Variants in CDH18 observed in about 807,000 individuals in gnomAD.
CDH18 encodes the protein cadherin-18.
CDH18 carries 31 observed loss-of-function variants against 67.9 expected under a neutral mutation model. The ratio of observed to expected loss-of-function variants is 0.46; its 90% CI spans 0.34 to 0.62. The LOEUF is 0.62. Ranked by LOEUF, CDH18 falls within the 20% of genes least tolerant of loss-of-function variation. The pLI is 0.01. For missense variants in CDH18, 890 were observed against 975.5 expected (o/e 0.91, Z 1.17); for synonymous variants, 362 against 347.2 (o/e 1.04, Z -0.48).
intron 3 of CDH18, among the ~76,000 whole-genome samples, chr5:19,833,510 A>C (rs1008131195): frequency 6.6e-6 from 1 of 152,058 alleles, no homozygotes; most frequent in Non-Finnish European, 1.5e-5. Context: ...AATACCTTTT[A>C]TTTCTTTCTC....
At chr5:19,490,394 GTTTTTTTTTTT>G (rs70950073) in intron 11 of CDH18, among the ~76,000 whole-genome samples, 43 of 60,202 alleles carry the variant, frequency 7.1e-4, no homozygotes, top group African/African-American at 2.5e-3. Context: ...ATAAAAATCT[GTTTTTTTTTTT>G]TTTTTTTTTT....
At chr5:20,466,177 A>T (rs1751619326) in intron 1 of CDH18, among the ~76,000 whole-genome samples, 3 of 152,092 alleles carry the variant, frequency 2.0e-5, no homozygotes. Context: ...AGAAATCTAT[A>T]AACATTTAAA....
At chr5:19,706,968 G>A (rs183019913) in intron 5 of CDH18, among the ~76,000 whole-genome samples, 517 of 152,300 alleles carry the variant, frequency 3.4e-3, no homozygotes, top group South Asian at 6.0e-3. Context: ...GAAACCAGCT[G>A]TAAAGACAGA....
intron 2 of CDH18, among the ~76,000 whole-genome samples, chr5:20,190,447 C>G (rs968616031): frequency 1.3e-5 from 2 of 152,204 alleles, no homozygotes; most frequent in East Asian, 3.9e-4. Flanking sequence ...ATACTCTTAA[C>G]AGTGCAACAG....
At chr5:20,369,454 G>T (rs931348489) in intron 1 of CDH18, among the ~76,000 whole-genome samples, 4 of 152,224 alleles carry the variant, frequency 2.6e-5, no homozygotes, top group African/African-American at 4.8e-5. Flanking sequence ...GTAAATTTTT[G>T]CCCTTTTCTC....
chr5:20,369,414 C>A (rs1463962268), intron 1 of CDH18, among the ~76,000 whole-genome samples: 1 of 152,212 alleles, frequency 6.6e-6, no homozygotes, highest in African/African-American at 2.4e-5. Context: ...AGGAAAAGGA[C>A]AATTCACTTG....
chr5:19,637,150 CTTTT>C (rs1236682787), intron 5 of CDH18, among the ~76,000 whole-genome samples: 3 of 148,290 alleles, frequency 2.0e-5, no homozygotes, highest in Non-Finnish European at 4.4e-5. Flanking sequence ...TTCTTTCTTT[CTTTT>C]TCTTTCTTTC....
intron 2 of CDH18, among the ~76,000 whole-genome samples, chr5:19,941,633 A>T (rs1794829420): frequency 6.6e-6 from 1 of 151,966 alleles, no homozygotes; most frequent in Admixed American, 6.6e-5. Flanking sequence ...AAAGAAAAAA[A>T]AGAGTTAACT....
chr5:19,719,954 AAAGAAGG>A (rs1435041213), intron 5 of CDH18, among the ~76,000 whole-genome samples: 1 of 151,696 alleles, frequency 6.6e-6, no homozygotes, highest in African/African-American at 2.4e-5. Flanking sequence ...AGAAAGAAAG[AAAGAAGG>A]AAAGAGTTAA....
At chr5:19,816,861 G>C (rs1779343576) in intron 3 of CDH18, among the ~76,000 whole-genome samples, 1 of 151,694 alleles carries the variant, frequency 6.6e-6, no homozygotes, top group Non-Finnish European at 1.5e-5. Flanking sequence ...TATAATTTCA[G>C]TCAAAAGAGT....
chr5:20,343,783 G>A (rs1740468224), intron 1 of CDH18, among the ~76,000 whole-genome samples: 1 of 152,146 alleles, frequency 6.6e-6, no homozygotes, highest in Admixed American at 6.5e-5. Context: ...TGGAAAGAGA[G>A]ACACTTCCTT....
In CDH18 at chr5:19,638,648, T is replaced by C. The variant is rs1427159971; in HGVS notation, c.644-26047A>G. ...GTGGAACAGTAGGAGGTTCCTGCCTTCCCCCCCCGCGCCCCACATAAAAAA... is the reference window on the plus strand; with the variant it reads ...GTGGAACAGTAGGAGGTTCCTGCCTCCCCCCCCCGCGCCCCACATAAAAAA... On this transcript the variant is annotated intron_variant, in intron 5 of 12. Coordinates refer to ENST00000382275, the MANE Select transcript of CDH18 (RefSeq NM_004934.5). Among the ~76,000 whole-genome samples the C allele has an allele frequency of 2.7e-5, 4 of 149,724 alleles. No individual in the cohort carries two copies. In the Admixed American group the frequency reaches 2.7e-4, roughly 10 times the overall value.
At chr5:20,028,691 G>A (rs1739128779) in intron 2 of CDH18, among the ~76,000 whole-genome samples, 1 of 152,150 alleles carries the variant, frequency 6.6e-6, no homozygotes, top group Admixed American at 6.6e-5. Context: ...ATACAGCGTG[G>A]ATAAGCTGGC....
chr5:20,314,476 T>G (rs550157280), intron 1 of CDH18, among the ~76,000 whole-genome samples: 3 of 152,178 alleles, frequency 2.0e-5, no homozygotes, highest in Admixed American at 6.5e-5. Flanking sequence ...ATTTAAAAAA[T>G]TTCAATTCAG....
intron 2 of CDH18, among the ~76,000 whole-genome samples, chr5:20,184,185 T>C (rs182739085): frequency 7.3e-4 from 111 of 152,196 alleles, no homozygotes; most frequent in Non-Finnish European, 1.3e-3. Flanking sequence ...ATTTCCCTAA[T>C]TATAGATGAG....
In CDH18 at chr5:19,940,593, C is replaced by G. The variant is rs143064099; in HGVS notation, c.-257+40467G>C. On this transcript the variant is annotated intron_variant, in intron 2 of 12. Coordinates refer to ENST00000382275, the MANE Select transcript of CDH18 (RefSeq NM_004934.5). ...CACACAATTTTTTTTCAGTACCTAC[C>G]ACTGACCAAGAAGACCTTTGTTGAA... Among the ~76,000 whole-genome samples, 387 of 152,076 alleles carry G rather than the reference C, an allele frequency of 2.5e-3. 1 individual carries two copies. The highest frequency in any genetic ancestry group is 3.1e-3 in the Non-Finnish European group (214 of 67,974).
chr5:19,898,299 G>T (rs902130261), intron 2 of CDH18, among the ~76,000 whole-genome samples: 28 of 151,696 alleles, frequency 1.8e-4, no homozygotes, highest in Admixed American at 1.8e-3. Context: ...TACAAAATTG[G>T]TGGTCACATG....
intron 11 of CDH18, among the ~76,000 whole-genome samples, chr5:19,490,644 A>G (rs576525066): frequency 1.8e-4 from 28 of 151,896 alleles, no homozygotes; most frequent in African/African-American, 6.8e-4. Context: ...CAATCTCTGG[A>G]CCTCATGATC....
In CDH18 at chr5:19,483,481, T is replaced by G. The variant is rs1183655596; in HGVS notation, c.1702A>C (p.Ile568Leu). The G allele has an allele frequency of 6.2e-7, 1 of 1,614,154 alleles. No homozygotes were observed. Among genetic ancestry groups the G allele is most frequent in the East Asian group, 2.2e-5 (1 of 44,866 alleles). Residue 568 changes from isoleucine (I) to leucine (L), a missense_variant, in exon 12 of 13, where the codon ATT (isoleucine) becomes CTT (leucine). This residue lies in a region of CDH18 where 656 missense variants were observed against 668.1 expected (regional missense o/e 0.98). Coordinates refer to ENST00000382275, the MANE Select transcript of CDH18 (RefSeq NM_004934.5). Reference sequence around the variant, plus strand: ...GGGATTCCACCATCAGAGATCATAATGGGCAGATAATACACATCCTGAACA... The same window carrying G: ...GGGATTCCACCATCAGAGATCATAAGGGGCAGATAATACACATCCTGAACA... ...RTVQDVYYLP[I>L]MISDGGIPSL...
Sources: allele counts gnomAD v4.1 joint callset (sites outside exome capture counted in the v4.1 genomes callset), GRCh38; gene constraint gnomAD v4.1.1; regional missense constraint gnomAD v4.1.1; transcripts MANE v1.5; gene names NCBI Gene and HGNC (gene_info 2026-07-23, HGNC 2026-07-21).